CHST11: variants seen among roughly 807,000 people sequenced by gnomAD.
CHST11 encodes carbohydrate sulfotransferase 11.
A neutral mutation model predicts 30.4 loss-of-function variants in CHST11; 9 were observed. The ratio of observed to expected loss-of-function variants is 0.30; its 90% CI spans 0.18 to 0.52. The LOEUF is 0.52. Ranked by LOEUF, CHST11 falls within the 20% of genes least tolerant of loss-of-function variation. The pLI, the probability that CHST11 is intolerant of heterozygous loss-of-function variation, is 0.97. For synonymous variants in CHST11, 152 were observed against 187.8 expected, an observed-to-expected ratio of 0.81 and a Z score of 1.56; for missense variants, 348 against 460.6, an observed-to-expected ratio of 0.76 and a Z score of 2.24.
At chr12:104,573,293 G>T (rs368653755) in intron 1 of CHST11, among the ~76,000 whole-genome samples, 22 of 152,068 alleles carry the variant, frequency 1.4e-4, no homozygotes, top group Non-Finnish European at 2.5e-4. Flanking sequence ...CCCAAGGTAA[G>T]TTATAGATTC....
chr12:104,660,087 T>C (rs7956015), intron 2 of CHST11, among the ~76,000 whole-genome samples: 57,900 of 152,168 alleles, frequency 0.38, 11,156 homozygotes, highest in African/African-American at 0.43. Context: ...TGGACTGTAC[T>C]GGGCTAGACT....
At chr12:104,525,393 G>T (rs2038115595) in intron 1 of CHST11, among the ~76,000 whole-genome samples, 1 of 152,142 alleles carries the variant, frequency 6.6e-6, no homozygotes, top group Non-Finnish European at 1.5e-5. Context: ...TTACTGAAAG[G>T]CCAGTTGAGA....
At chr12:104,656,030 A>G (rs965733033) in intron 2 of CHST11, among the ~76,000 whole-genome samples, 3 of 152,230 alleles carry the variant, frequency 2.0e-5, no homozygotes, top group Admixed American at 1.3e-4. Flanking sequence ...GAAAGAAGGA[A>G]GGTAAGCAAG....
chr12:104,575,051 G>A (rs964717473), intron 1 of CHST11, among the ~76,000 whole-genome samples: 16 of 151,862 alleles, frequency 1.1e-4, no homozygotes, highest in South Asian at 4.2e-4. Flanking sequence ...GAAATGAGCC[G>A]GCGTGGTGGC....
chr12:104,724,350 G>C (rs552734020), intron 2 of CHST11, among the ~76,000 whole-genome samples: 1 of 152,298 alleles, frequency 6.6e-6, no homozygotes, highest in South Asian at 2.1e-4. Flanking sequence ...AGAATCCATA[G>C]GGAAAATGAA....
rs183923133 is a variant in CHST11, at chr12:104,748,548, G to A, written c.205-8401G>A. ...AGCGCATGCCCGGTGGGGGCTGGAG[G>A]GGGGAGGGGGGAGATTAAGAGGAAG... On this transcript the variant is annotated intron_variant, in intron 2 of 2. Coordinates refer to ENST00000303694, the MANE Select transcript of CHST11 (RefSeq NM_018413.6). Among the ~76,000 whole-genome samples the A allele has an allele frequency of 8.4e-4, 128 of 151,958 alleles. 2 individuals carry two copies. Among genetic ancestry groups the A allele is most frequent in the Middle Eastern group, 6.8e-3 (2 of 294 alleles).
chr12:104,751,011 A>C (rs2040427678), intron 2 of CHST11, among the ~76,000 whole-genome samples: 1 of 152,064 alleles, frequency 6.6e-6, no homozygotes, highest in Non-Finnish European at 1.5e-5. Flanking sequence ...TGGCAGGTGC[A>C]CCATTTGCCC....
intron 1 of CHST11, among the ~76,000 whole-genome samples, chr12:104,460,642 C>T (rs10778334): frequency 0.67 from 97,690 of 146,536 alleles, 34,482 homozygotes; most frequent in East Asian, 0.91. Flanking sequence ...CCAGCCTGGG[C>T]GACAGAGTGA....
At chr12:104,752,614 G>A (rs1057512979) in intron 2 of CHST11, among the ~76,000 whole-genome samples, 68 of 152,212 alleles carry the variant, frequency 4.5e-4, no homozygotes, top group Admixed American at 1.1e-3. Flanking sequence ...TGCAACCTCC[G>A]CCTCCTGAGT....
chr12:104,546,858 G>A (rs2038356036), intron 1 of CHST11, among the ~76,000 whole-genome samples: 1 of 152,220 alleles, frequency 6.6e-6, no homozygotes, highest in Admixed American at 6.5e-5. Flanking sequence ...CAGGGCATGA[G>A]CCCAAACTTG....
At chr12:104,709,045 A>C (rs2040061669) in intron 2 of CHST11, among the ~76,000 whole-genome samples, 2 of 152,178 alleles carry the variant, frequency 1.3e-5, no homozygotes, top group Admixed American at 1.3e-4. Flanking sequence ...GGCACCCGGG[A>C]TGAGGAGGAG....
At chr12:104,591,980 A>G (rs1344630036) in intron 1 of CHST11, among the ~76,000 whole-genome samples, 1 of 148,692 alleles carries the variant, frequency 6.7e-6, no homozygotes, top group Non-Finnish European at 1.5e-5. Context: ...GCCTATAGCC[A>G]GCAGTGTGTC....
intron 1 of CHST11, among the ~76,000 whole-genome samples, chr12:104,572,972 C>T (rs548909522): frequency 3.9e-5 from 6 of 152,322 alleles, no homozygotes; most frequent in African/African-American, 1.4e-4. Context: ...ACCCCATCGT[C>T]TCAGCCCAAA....
intron 2 of CHST11, among the ~76,000 whole-genome samples, chr12:104,631,736 G>T (rs765953735): frequency 3.3e-5 from 5 of 152,208 alleles, no homozygotes; most frequent in African/African-American, 4.8e-5. Context: ...GAATGAAAAT[G>T]CAAGGCCCCT....
intron 2 of CHST11, among the ~76,000 whole-genome samples, chr12:104,675,674 G>A (rs929250538): frequency 2.0e-5 from 3 of 152,300 alleles, no homozygotes; most frequent in Non-Finnish European, 2.9e-5. Context: ...CCTAAACCAC[G>A]TACTTAAGCA....
chr12:104,514,052 C>T (rs967517019), intron 1 of CHST11: 7 of 964,052 alleles, frequency 7.3e-6, no homozygotes, highest in Non-Finnish European at 3.3e-6. Flanking sequence ...GGGCACTACT[C>T]ATTTCTCTAG....
intron 1 of CHST11, among the ~76,000 whole-genome samples, chr12:104,535,846 A>G (rs988728741): frequency 8.5e-5 from 13 of 152,350 alleles, no homozygotes; most frequent in African/African-American, 2.9e-4. Flanking sequence ...TAGACATATG[A>G]AAGAGATCAT....
At position 104,729,697 on chromosome 12, in the gene CHST11, C is replaced by T. The variant is rs2040241662; in HGVS notation, c.205-27252C>T. 6.6e-6 allele frequency among the ~76,000 whole-genome samples: 1 copy of T among 152,136 alleles called. No individual in the cohort carries two copies. Among genetic ancestry groups the T allele is most frequent in the African/African-American group, 2.4e-5 (1 of 41,430 alleles). The stretch of plus-strand genomic sequence containing the variant: ...GAAGTGAGAAGTGGGTGTGCAGAAT[C>T]GTACGGTGTGCAGACGGTGGCCTGG... On this transcript the variant is annotated intron_variant, in intron 2 of 2. Coordinates refer to ENST00000303694, the MANE Select transcript of CHST11 (RefSeq NM_018413.6). The surrounding 1 kb of genome is among the most constrained non-coding windows in gnomAD (Gnocchi z 4.0).
intron 1 of CHST11, among the ~76,000 whole-genome samples, chr12:104,478,300 A>C (rs1417341244): frequency 6.6e-6 from 1 of 152,198 alleles, no homozygotes; most frequent in African/African-American, 2.4e-5. Context: ...TTTCTTAAAC[A>C]TTAAAAAAAT....
Sources: allele counts gnomAD v4.1 joint callset (sites outside exome capture counted in the v4.1 genomes callset), GRCh38; gene constraint gnomAD v4.1.1; non-coding constraint Gnocchi (gnomAD v3.1); transcripts MANE v1.5; gene names NCBI Gene and HGNC (gene_info 2026-07-23, HGNC 2026-07-21).